Variants in SVIL observed in about 807,000 individuals in gnomAD.
The protein encoded by SVIL is supervillin.
A neutral mutation model predicts 240.4 loss-of-function variants in SVIL; 101 were observed. The observed-to-expected ratio is 0.42, with a 90% CI of 0.36 to 0.50. The LOEUF is 0.50. Ranked by LOEUF, SVIL falls within the 20% of genes least tolerant of loss-of-function variation. The pLI is 0.01. For missense variants in SVIL, 2,512 were observed against 2,818.7 expected (o/e 0.89, Z 2.46); for synonymous variants, 999 against 1,100.0 (o/e 0.91, Z 1.82).
intron 1 of SVIL, among the ~76,000 whole-genome samples, chr10:29,706,538 G>A (rs1018248854): frequency 6.6e-6 from 1 of 152,084 alleles, no homozygotes; most frequent in Non-Finnish European, 1.5e-5. Context: ...GTTCCTTGCA[G>A]ATTTTGGATA....
chr10:29,540,661 G>A (rs962383256), intron 6 of SVIL, among the ~76,000 whole-genome samples: 1 of 152,108 alleles, frequency 6.6e-6, no homozygotes, highest in Non-Finnish European at 1.5e-5. Context: ...TAAGAATGAG[G>A]TTGGGATGCC....
intron 32 of SVIL, among the ~76,000 whole-genome samples, chr10:29,469,963 C>T (rs1378097542): frequency 1.3e-5 from 2 of 152,224 alleles, no homozygotes; most frequent in African/African-American, 4.8e-5. Context: ...CCCCAGGCTT[C>T]TCATCCAAAA....
At chr10:29,725,380 G>A (rs1382977221) in intron 1 of SVIL, among the ~76,000 whole-genome samples, 1 of 152,030 alleles carries the variant, frequency 6.6e-6, no homozygotes, top group African/African-American at 2.4e-5. Context: ...GTCATAACTG[G>A]GTCTTATCAG....
intron 1 of SVIL, among the ~76,000 whole-genome samples, chr10:29,601,542 GC>G (rs1427420042): frequency 1.3e-5 from 2 of 152,298 alleles, no homozygotes; most frequent in African/African-American, 4.8e-5. Flanking sequence ...TGAGGTTCTT[GC>G]CATAGGCGCA....
chr10:29,660,939 T>C (rs964300942), intron 2 of SVIL, among the ~76,000 whole-genome samples: 1 of 151,506 alleles, frequency 6.6e-6, no homozygotes, highest in African/African-American at 2.4e-5. Context: ...GAGGCTGAGA[T>C]GGGAGGATCA....
At chr10:29,642,618 A>G (rs1958527222) in intron 3 of SVIL, among the ~76,000 whole-genome samples, 1 of 152,184 alleles carries the variant, frequency 6.6e-6, no homozygotes, top group Non-Finnish European at 1.5e-5. Flanking sequence ...TGTGCCACTC[A>G]GTAAATTTAA....
chr10:29,576,132 G>C (rs565630260), intron 1 of SVIL: 2 of 985,096 alleles, frequency 2.0e-6, no homozygotes, highest in Non-Finnish European at 2.4e-6. Context: ...CTTCATTTTC[G>C]TTATGATGAA....
rs139464811 is a variant in SVIL, at chr10:29,523,332, C to G, written c.3163+119G>C. ...ATAGGATTCCCGCTGAACTTTTAACCAATACTAGCTGTAAACTGCCTATAG... is the reference window on the plus strand; with the variant it reads ...ATAGGATTCCCGCTGAACTTTTAACGAATACTAGCTGTAAACTGCCTATAG... On this transcript the variant is annotated intron_variant, in intron 15 of 37. Transcript: ENST00000355867. The G allele has an allele frequency of 9.7e-5, 88 of 905,014 alleles. 1 individual carries two copies. In the East Asian group the frequency reaches 2.3e-3, roughly 24 times the overall value. 56.1% of individuals were successfully genotyped at this position (905,014 alleles called of 1,614,324 possible).
At chr10:29,660,155 CA>C (rs924972790) in intron 2 of SVIL, among the ~76,000 whole-genome samples, 10 of 151,978 alleles carry the variant, frequency 6.6e-5, no homozygotes, top group African/African-American at 1.9e-4. Flanking sequence ...CTTGTCTCTA[CA>C]AAAAAATTAA....
At chr10:29,618,933 T>C (rs1957527003) in intron 1 of SVIL, among the ~76,000 whole-genome samples, 1 of 152,088 alleles carries the variant, frequency 6.6e-6, no homozygotes, top group African/African-American at 2.4e-5. Flanking sequence ...GGCCACCAAG[T>C]GCTCCACTGC....
intron 29 of SVIL, among the ~76,000 whole-genome samples, chr10:29,477,556 TCTGA>T (rs1224083893): frequency 1.3e-5 from 2 of 152,190 alleles, no homozygotes; most frequent in African/African-American, 4.8e-5. Context: ...CACCCTGAGC[TCTGA>T]CTCAGTCCTG....
At chr10:29,720,499 A>G (rs1478661384) in intron 1 of SVIL, among the ~76,000 whole-genome samples, 1 of 152,250 alleles carries the variant, frequency 6.6e-6, no homozygotes, top group Non-Finnish European at 1.5e-5. Context: ...TGAATTCATC[A>G]CCAGAAGTCC....
chr10:29,481,133 G>GGTGTGTGTGT (rs57479630), intron 28 of SVIL, among the ~76,000 whole-genome samples: 5,238 of 141,264 alleles, frequency 0.037, 110 homozygotes, highest in Middle Eastern at 0.05. Context: ...TAGCTTTAAG[G>GGTGTGTGTGT]GTGTGTGTGT....
intron 1 of SVIL, among the ~76,000 whole-genome samples, chr10:29,692,926 G>A (rs79894936): frequency 0.14 from 21,915 of 152,082 alleles, 1,778 homozygotes; most frequent in Admixed American, 0.21. Flanking sequence ...GGTCACTGAC[G>A]CTGACATAGT....
intron 1 of SVIL, among the ~76,000 whole-genome samples, chr10:29,707,105 T>C (rs774919891): frequency 4.6e-5 from 7 of 152,224 alleles, no homozygotes; most frequent in Non-Finnish European, 8.8e-5. Flanking sequence ...TGCTTAGGAT[T>C]ATCTTGCCTA....
In SVIL at chr10:29,486,228, C is replaced by A; in HGVS notation, c.4636G>T (p.Ala1546Ser). ...AGTTCATCTTCTTTTGGGTCTCCAG[C>A]AGCTTGGGGATAAGAAGAACAGGAG... Reference protein sequence around the residue: ...LLGGQTSYQSAGDPKEDELYE... With the variant: ...LLGGQTSYQSSGDPKEDELYE... The change falls in exon 26 of 38, where the codon GCT becomes TCT. Residue 1546 changes from alanine to serine, a missense_variant and splice_region_variant. Physicochemically the swap from Ala to Ser is moderately conservative, Grantham distance 99. Around this residue, in one of 3 missense-constraint regions of SVIL, gnomAD observed 797 missense variants for 925.3 expected, o/e 0.86. Transcript: ENST00000355867. 8.7e-6 allele frequency: 14 copies of A among 1,614,120 alleles called. No homozygotes were observed. The highest frequency in any genetic ancestry group is 1.0e-5 in the Non-Finnish European group (12 of 1,179,996).
intron 17 of SVIL, among the ~76,000 whole-genome samples, chr10:29,510,557 C>G (rs941677329): frequency 2.0e-5 from 3 of 151,708 alleles, no homozygotes; most frequent in African/African-American, 7.3e-5. Flanking sequence ...GCGTGATGAG[C>G]TGACCATAAC....
At chr10:29,681,546 A>G (rs1960655274) in intron 2 of SVIL, among the ~76,000 whole-genome samples, 1 of 152,146 alleles carries the variant, frequency 6.6e-6, no homozygotes, top group Non-Finnish European at 1.5e-5. Flanking sequence ...TCTCAAAAGT[A>G]TCAGCTCACA....
rs372998469 is a variant in SVIL, at chr10:29,484,656, C to T, written c.4955G>A (p.Arg1652Lys). Reference protein sequence around the residue: ...DPGECNPLIPRKGQGRPDWAI... With the variant: ...DPGECNPLIPKKGQGRPDWAI... ...TGTCCCCGGGCGGCGGCAGGAGTAC[C>T]TGGGGATAAGCGGATTGCATTCTCC... Residue 1652 changes from arginine (R) to lysine (K), a missense_variant and splice_region_variant, in exon 27 of 38, where the codon AGA (arginine) becomes AAA (lysine). Transcript: ENST00000355867. This position sits in a 1 kb window ranked among gnomAD's most constrained non-coding sequence, Gnocchi z 4.7. 1 of 1,610,850 alleles carries T rather than the reference C, an allele frequency of 6.2e-7. No individual in the cohort carries two copies. The highest frequency in any genetic ancestry group is 1.3e-5 in the African/African-American group (1 of 74,790).
Sources: allele counts gnomAD v4.1 joint callset (sites outside exome capture counted in the v4.1 genomes callset), GRCh38; gene constraint gnomAD v4.1.1; regional missense constraint gnomAD v4.1.1; non-coding constraint Gnocchi (gnomAD v3.1); transcripts MANE v1.5; gene names NCBI Gene and HGNC (gene_info 2026-07-23, HGNC 2026-07-21).